The following RTCA variants were observed in gnomAD, a reference collection of about 807,000 sequenced individuals.
RTCA encodes the protein RNA terminal phosphate cyclase domain 1.
Under a neutral mutation model 46.1 loss-of-function variants are expected in RTCA, and 37 were observed. The observed-to-expected ratio is 0.80, with a 90% CI of 0.62 to 1.06. RTCA has a LOEUF of 1.06. Among genes scored for constraint, RTCA ranks in the 50% least tolerant of loss-of-function variants. RTCA has a pLI of 0.00. For synonymous variants in RTCA, 164 were observed against 158.3 expected, an observed-to-expected ratio of 1.04 and a Z score of -0.27; for missense variants, 435 against 455.5, an observed-to-expected ratio of 0.95 and a Z score of 0.41.
chr1:100,282,985 C>CA (rs984802378), intron 8 of RTCA, among the ~76,000 whole-genome samples: 3 of 150,286 alleles, frequency 2.0e-5, no homozygotes, highest in Admixed American at 2.0e-4. Context: ...TTAGTAGAGA[C>CA]AGAGTTTCAC....
intron 3 of RTCA, 113 bp from the exon 4 acceptor site, chr1:100,270,444 C>A: frequency 7.8e-7 from 1 of 1,288,510 alleles, no homozygotes; most frequent in Non-Finnish European, 1.1e-6. Flanking sequence ...CCTGCCTTCA[C>A]AGTTGTCTGT....
At chr1:100,287,303 T>G in intron 10 of RTCA, 100 bp downstream of exon 10, 2 of 742,712 alleles carry the variant, frequency 2.7e-6, no homozygotes, top group Non-Finnish European at 4.1e-6. Context: ...TCATAATTGC[T>G]ATCACTGTTT....
At chr1:100,267,664 T>TTTTA in intron 2 of RTCA, 1 of 1,036,638 alleles carries the variant, frequency 9.6e-7, no homozygotes, top group Non-Finnish European at 1.3e-6. Flanking sequence ...TTTTTTTTTT[T>TTTTA]TATAAGGACA....
At chr1:100,279,809 G>C (rs963568631) in intron 8 of RTCA, among the ~76,000 whole-genome samples, 1 of 152,154 alleles carries the variant, frequency 6.6e-6, no homozygotes, top group African/African-American at 2.4e-5. Flanking sequence ...GTTTGAGCAA[G>C]CAACTGCAAG....
Position 100,273,429 on chromosome 1 carries a change from A to C in RTCA, c.450A>C (p.Ile150=). 2.5e-6 allele frequency: 4 copies of C among 1,585,462 alleles called. No homozygotes were observed. The highest frequency in any genetic ancestry group is 3.4e-6 in the Non-Finnish European group (4 of 1,164,106). ...CAATTGTTGAAAAATTTGGTTTCAT[A>C]TTTAATTGTGACATTAAAACAAGGT... ...FKPIVEKFGF[I]FNCDIKTRGY... is the part of the protein sequence containing the mutation. The change falls in exon 5 of 11, where the codon ATA becomes ATC. Residue 150 remains isoleucine, a synonymous_variant. Coordinates refer to ENST00000370128, the MANE Select transcript of RTCA (RefSeq NM_003729.4).
chr1:100,274,861 C>T lies in RTCA; in HGVS notation c.511C>T (p.Arg171Ter), dbSNP rs1172012900. The T allele has an allele frequency of 7.4e-6, 12 of 1,613,026 alleles. No individual in the cohort carries two copies. The highest frequency in any genetic ancestry group is 2.2e-5 in the East Asian group (1 of 44,860). Reference sequence around the variant, plus strand: ...AAAAGGGGGTGGTGAAGTGATTGTTCGAATGTCACCAGTTAAACAATTGAA... The same window carrying T: ...AAAAGGGGGTGGTGAAGTGATTGTTTGAATGTCACCAGTTAAACAATTGAA... ...YPKGGGEVIV[R>*]MSPVKQLNPI... is the part of the protein sequence containing the mutation. Residue 171 changes from arginine (R) to a stop codon, truncating the protein, a stop_gained, in exon 6 of 11, where the codon CGA (arginine) becomes TGA (stop). Transcript: ENST00000370128. LOFTEE classifies it high-confidence loss of function.
At chr1:100,285,724 A>G (rs940232330) in intron 9 of RTCA, among the ~76,000 whole-genome samples, 2 of 151,782 alleles carry the variant, frequency 1.3e-5, no homozygotes, top group Non-Finnish European at 2.9e-5. Context: ...GTTTCAAGTG[A>G]TCCTCCTGCT....
At chr1:100,281,230 A>G (rs1280311832) in intron 8 of RTCA, 1 of 533,148 alleles carries the variant, frequency 1.9e-6, no homozygotes, top group Non-Finnish European at 3.8e-6. Flanking sequence ...AATCCTTCTA[A>G]CTATAACATT....
At chr1:100,269,567 C>G (rs897054222) in intron 3 of RTCA, among the ~76,000 whole-genome samples, 2 of 151,872 alleles carry the variant, frequency 1.3e-5, no homozygotes, top group Non-Finnish European at 2.9e-5. Flanking sequence ...CTCCTGGGCT[C>G]GAGTGATCAT....
At chr1:100,277,805 G>A (rs189549292) in intron 8 of RTCA, among the ~76,000 whole-genome samples, 10 of 151,008 alleles carry the variant, frequency 6.6e-5, no homozygotes, top group Non-Finnish European at 1.3e-4. Flanking sequence ...TTTTTTTTGG[G>A]GGGGGGCACA....
At chr1:100,270,817 TTTTTTTTTTGA>T (rs1666048765) in intron 4 of RTCA, 137 bp downstream of exon 4, 1 of 1,038,906 alleles carries the variant, frequency 9.6e-7, no homozygotes, top group African/African-American at 1.6e-5. Context: ...CTTTCTTTCT[TTTTTTTTTTGA>T]GACAGTGCTG....
chr1:100,267,337 T>C (rs1341875414), intron 2 of RTCA: 2 of 640,046 alleles, frequency 3.1e-6, no homozygotes, highest in East Asian at 3.1e-5. Context: ...ATTACTGATA[T>C]GTTAATGTTA....
chr1:100,268,222 G>A lies in RTCA; in HGVS notation c.217G>A (p.Gly73Ser). ...TGGGCAACTGGAGGGGGCAGAAATT[G>A]GCTCAACAGAAATAACCTTTACACC... ...CDGQLEGAEI[G>S]STEITFTPEK... Residue 73 changes from glycine (G) to serine (S), a missense_variant, in exon 3 of 11, where the codon GGC (glycine) becomes AGC (serine). Coordinates refer to ENST00000370128, the MANE Select transcript of RTCA (RefSeq NM_003729.4). The A allele has an allele frequency of 6.2e-7, 1 of 1,614,146 alleles. No homozygotes were observed. Among genetic ancestry groups the A allele is most frequent in the East Asian group, 2.2e-5 (1 of 44,876 alleles).
chr1:100,277,626 G>A (rs1217683641), intron 8 of RTCA, among the ~76,000 whole-genome samples: 1 of 152,114 alleles, frequency 6.6e-6, no homozygotes, highest in East Asian at 1.9e-4. Context: ...ATAAGTTGCA[G>A]GTGCCATGTC....
At chr1:100,282,477 ACTC>A (rs1172585083) in intron 8 of RTCA, among the ~76,000 whole-genome samples, 1 of 151,904 alleles carries the variant, frequency 6.6e-6, no homozygotes, top group African/African-American at 2.4e-5. Flanking sequence ...ACTTTTCTGA[ACTC>A]CTGTCGGGTA....
At chr1:100,270,021 C>T (rs970571785) in intron 3 of RTCA, among the ~76,000 whole-genome samples, 2 of 152,164 alleles carry the variant, frequency 1.3e-5, no homozygotes, top group Non-Finnish European at 2.9e-5. Context: ...TGAACTCATT[C>T]TCTTTTATGG....
intron 8 of RTCA, among the ~76,000 whole-genome samples, chr1:100,278,418 ACTT>A (rs1221980969): frequency 6.6e-6 from 1 of 152,208 alleles, no homozygotes; most frequent in Non-Finnish European, 1.5e-5. Context: ...TTTTAGGTGA[ACTT>A]CTAGTTGTTT....
chr1:100,273,839 G>T (rs973107367), intron 5 of RTCA, among the ~76,000 whole-genome samples: 5 of 152,248 alleles, frequency 3.3e-5, no homozygotes, highest in Non-Finnish European at 7.4e-5. Flanking sequence ...AACACATTGG[G>T]CATTCAGGTT....
Position 100,277,293 on chromosome 1 carries a change from C to T in RTCA, c.776C>T (p.Ala259Val). 1 of 1,612,058 alleles carries T rather than the reference C, an allele frequency of 6.2e-7. No homozygotes were observed. Among genetic ancestry groups the T allele is most frequent in the Non-Finnish European group, 8.5e-7 (1 of 1,179,234 alleles). Residue 259 changes from alanine (A) to valine (V), a missense_variant, in exon 8 of 11, where the codon GCT becomes GTT. By Grantham distance (64) the Ala-to-Val change is moderately conservative (BLOSUM62 0). Coordinates refer to ENST00000370128, the MANE Select transcript of RTCA (RefSeq NM_003729.4). ...GAGACCTCCACTGGCTGTTTGTTTG[C>T]TGGATCATCGCTTGGTAAACGAGGT... ...IAETSTGCLF[A>V]GSSLGKRGVN...
Sources: gnomAD v4.1 joint callset for allele counts (sites outside exome capture counted in the v4.1 genomes callset) on GRCh38, gnomAD v4.1.1 for gene constraint, MANE v1.5 for transcripts, NCBI Gene and HGNC (gene_info 2026-07-23, HGNC 2026-07-21) for gene names.